SNX14: variants seen among roughly 807,000 people sequenced by gnomAD.
SNX14 encodes the protein sorting nexin-14.
In SNX14, 93 loss-of-function variants were observed where a neutral mutation model predicts 133.8. The observed-to-expected ratio is 0.70, with a 90% CI of 0.59 to 0.83. The LOEUF is 0.83. Ranked by LOEUF, SNX14 falls within the 40% of genes least tolerant of loss-of-function variation. The pLI is 0.00. For missense variants in SNX14, 945 were observed against 1,094.9 expected (o/e 0.86, Z 1.93); for synonymous variants, 368 against 365.6 (o/e 1.01, Z -0.07).
chr6:85,521,505 C>G (rs773036303), intron 21 of SNX14, among the ~76,000 whole-genome samples: 1 of 152,024 alleles, frequency 6.6e-6, no homozygotes, highest in Non-Finnish European at 1.5e-5. Flanking sequence ...TGTCTTCTAA[C>G]TGAATTTGCA....
intron 18 of SNX14, 93 bp from the exon 19 acceptor site, chr6:85,530,368 G>C: frequency 1.2e-6 from 1 of 815,960 alleles, no homozygotes; most frequent in Non-Finnish European, 1.9e-6. Flanking sequence ...AAGCTGGCTA[G>C]ACACGGTGGC....
rs370597687 is a variant in SNX14 at position 85,543,239 on chromosome 6, T to C, written c.1332A>G (p.Glu444=). ...CATTCTCCAAAAGGGAAAGAACATG[T>C]TCATATGCTTCAAAAAGACATCTCA... The part of the protein sequence containing the change: ...QTMRCLFEAY[E]HVLSLLENVF... The change falls in exon 14 of 29, where the codon GAA becomes GAG. Residue 444 remains glutamate (E), a synonymous_variant. Transcript: ENST00000314673. 1 of 1,604,142 alleles carries C rather than the reference T, an allele frequency of 6.2e-7. No individual in the cohort carries two copies. Among genetic ancestry groups the C allele is most frequent in the Non-Finnish European group, 8.5e-7 (1 of 1,176,204 alleles).
Position 85,572,121 on chromosome 6 carries a change from T to C in SNX14, c.417+16A>G. 1 of 1,591,688 alleles carries C rather than the reference T, an allele frequency of 6.3e-7. No individual in the cohort carries two copies. Among genetic ancestry groups the C allele is most frequent in the South Asian group, 1.2e-5 (1 of 86,898 alleles). The stretch of plus-strand genomic sequence containing the variant: ...ATTTAACATTTTCTGTTAATAATAT[T>C]AATTAAATCAGTTACCTCTGAGAGA... On this transcript the variant is annotated intron_variant, in intron 4 of 28. Coordinates refer to ENST00000314673, the MANE Select transcript of SNX14 (RefSeq NM_153816.6).
At chr6:85,586,986 C>A (rs1801082590) in intron 1 of SNX14, among the ~76,000 whole-genome samples, 1 of 152,054 alleles carries the variant, frequency 6.6e-6, no homozygotes, top group African/African-American at 2.4e-5. Flanking sequence ...GTGGAGATTG[C>A]AATGAGCCAA....
intron 5 of SNX14, among the ~76,000 whole-genome samples, chr6:85,567,196 T>G (rs1794156442): frequency 6.6e-6 from 1 of 152,220 alleles, no homozygotes; most frequent in African/African-American, 2.4e-5. Context: ...TCCTCTTTAC[T>G]ATCACCAAAT....
chr6:85,550,770 A>T (rs1430312371), intron 7 of SNX14, among the ~76,000 whole-genome samples: 2 of 151,336 alleles, frequency 1.3e-5, no homozygotes, highest in Non-Finnish European at 2.9e-5. Flanking sequence ...AATTGCTGGG[A>T]TTATAGGCCT....
At chr6:85,574,534 A>T (rs1448208549) in intron 1 of SNX14, among the ~76,000 whole-genome samples, 156 bp from the exon 2 acceptor site, 1 of 152,210 alleles carries the variant, frequency 6.6e-6, no homozygotes, top group Non-Finnish European at 1.5e-5. Context: ...TATTAAATAC[A>T]AGAATCATAA....
chr6:85,592,798 G>A (rs1267890432), intron 1 of SNX14, among the ~76,000 whole-genome samples: 1 of 149,712 alleles, frequency 6.7e-6, no homozygotes, highest in African/African-American at 2.5e-5. Flanking sequence ...GACCATCCTG[G>A]CTAAAACGGT....
chr6:85,542,539 T>C (rs1449287854), intron 14 of SNX14, among the ~76,000 whole-genome samples: 2 of 150,896 alleles, frequency 1.3e-5, no homozygotes, highest in Non-Finnish European at 3.0e-5. Flanking sequence ...GGACTACAGG[T>C]GCCCGCCACC....
At chr6:85,559,898 A>T (rs1225001175) in intron 6 of SNX14, among the ~76,000 whole-genome samples, 2 of 152,220 alleles carry the variant, frequency 1.3e-5, no homozygotes, top group African/African-American at 4.8e-5. Context: ...AGTTCTCAAC[A>T]TTATTGGCAT....
intron 6 of SNX14, among the ~76,000 whole-genome samples, chr6:85,563,097 T>C (rs1792303794): frequency 1.3e-5 from 2 of 152,204 alleles, no homozygotes; most frequent in Non-Finnish European, 2.9e-5. Flanking sequence ...CAAGTGTTCA[T>C]TGGCCATTTT....
chr6:85,542,115 A>C, intron 14 of SNX14, 72 bp from the exon 15 acceptor site: 1 of 1,063,066 alleles, frequency 9.4e-7, no homozygotes, highest in Non-Finnish European at 1.3e-6. Flanking sequence ...ACCTTAGTTT[A>C]CTACTTTCCA....
intron 18 of SNX14, among the ~76,000 whole-genome samples, chr6:85,532,576 T>C (rs948209889): frequency 3.9e-5 from 6 of 152,232 alleles, no homozygotes; most frequent in Admixed American, 1.3e-4. Context: ...GCCACTTTTT[T>C]TCCTTCTTTC....
chr6:85,518,726 G>A (rs904469272), intron 21 of SNX14, among the ~76,000 whole-genome samples: 1 of 152,096 alleles, frequency 6.6e-6, no homozygotes, highest in African/African-American at 2.4e-5. Context: ...TAATAATAAA[G>A]AATAAAAATA....
chr6:85,534,844 T>G (rs1456996162), intron 17 of SNX14, among the ~76,000 whole-genome samples: 2 of 151,172 alleles, frequency 1.3e-5, no homozygotes, highest in East Asian at 3.9e-4. Context: ...TTTTTTTTTT[T>G]TTTTAAAGAA....
chr6:85,543,545 A>G, intron 13 of SNX14, 60 bp downstream of exon 13: 1 of 1,404,020 alleles, frequency 7.1e-7, no homozygotes, highest in Non-Finnish European at 9.7e-7. Context: ...TAATAAACAG[A>G]AAATAAATGG....
chr6:85,565,997 G>T (rs1793685870), intron 5 of SNX14, among the ~76,000 whole-genome samples: 1 of 152,190 alleles, frequency 6.6e-6, no homozygotes, highest in South Asian at 2.1e-4. Context: ...AGAAAAGAAA[G>T]AATGATGATA....
rs1782087333 is a variant in SNX14 at position 85,536,774 on chromosome 6, T to C, written c.1608+18A>G. 6.2e-7 allele frequency: 1 copy of C among 1,602,466 alleles called. No individual in the cohort carries two copies. On this transcript the variant is annotated intron_variant, in intron 17 of 28. Transcript: ENST00000314673. ...AGTCTGAAGTTATAAATAAATCAAA[T>C]TGATACATTTTACTTACAAAATCAT...
At chr6:85,569,382 A>T (rs1165571491) in intron 4 of SNX14, among the ~76,000 whole-genome samples, 2 of 152,206 alleles carry the variant, frequency 1.3e-5, no homozygotes, top group African/African-American at 4.8e-5. Flanking sequence ...ATTTGACCAC[A>T]TCATCCTCTT....
Sources: gnomAD v4.1 joint callset for allele counts (sites outside exome capture counted in the v4.1 genomes callset) on GRCh38, gnomAD v4.1.1 for gene constraint, MANE v1.5 for transcripts, NCBI Gene and HGNC (gene_info 2026-07-23, HGNC 2026-07-21) for gene names.